Variants in PRKD1 observed in about 807,000 individuals in gnomAD.
The protein encoded by PRKD1 is protein kinase D1, also known as serine/threonine-protein kinase D1.
Under a neutral mutation model 95.9 loss-of-function variants are expected in PRKD1, and 63 were observed. The ratio of observed to expected loss-of-function variants is 0.66; its 90% CI spans 0.54 to 0.81. The LOEUF (loss-of-function observed/expected upper bound fraction) is 0.81, where lower values mean the gene tolerates loss of function less well. PRKD1 is among the 30% of genes least tolerant of loss of function. PRKD1 has a pLI of 0.00. For synonymous variants in PRKD1, 425 were observed against 423.1 expected (o/e 1.00, Z -0.05); for missense variants, 1,048 against 1,165.3 (o/e 0.90, Z 1.47).
intron 6 of PRKD1, among the ~76,000 whole-genome samples, chr14:29,637,404 A>T (rs538595944): frequency 1.3e-5 from 2 of 152,360 alleles, no homozygotes; most frequent in East Asian, 3.9e-4. Context: ...TACTCATTTT[A>T]AAATGAAAAT....
intron 16 of PRKD1, among the ~76,000 whole-genome samples, chr14:29,583,987 A>G (rs1035929614): frequency 1.3e-5 from 2 of 152,166 alleles, no homozygotes; most frequent in African/African-American, 4.8e-5. Flanking sequence ...AATTTTATCA[A>G]ACATTCTCTT....
intron 13 of PRKD1, among the ~76,000 whole-genome samples, chr14:29,611,540 T>C (rs974129105): frequency 6.6e-6 from 1 of 152,014 alleles, no homozygotes; most frequent in Non-Finnish European, 1.5e-5. Flanking sequence ...GTACCCACCT[T>C]CTAACTCCCA....
chr14:29,894,127 T>C (rs1356389381), intron 1 of PRKD1, among the ~76,000 whole-genome samples: 2 of 152,140 alleles, frequency 1.3e-5, no homozygotes. Context: ...AGTTGAGACA[T>C]TCAAGATAAG....
chr14:29,667,054 T>C (rs1882561466), intron 2 of PRKD1, among the ~76,000 whole-genome samples: 1 of 152,172 alleles, frequency 6.6e-6, no homozygotes, highest in African/African-American at 2.4e-5. Flanking sequence ...TAGAAAGGTA[T>C]CGACAGCGGA....
At position 29,773,173 on chromosome 14, in the gene PRKD1, G is replaced by A. The variant is rs111507309; in HGVS notation, c.265-47499C>T. 8.9e-3 allele frequency among the ~76,000 whole-genome samples: 1,361 copies of A among 152,212 alleles called. 20 individuals are homozygous for A. The highest frequency in any genetic ancestry group is 0.031 in the African/African-American group (1,273 of 41,538). On this transcript the variant is annotated intron_variant, in intron 1 of 17. Transcript: ENST00000331968. ...ATACATAACTAGTTTTTAAAAGAGT[G>A]AAAATGGCCGGCTGTGGTGACTCAT...
At chr14:29,887,529 C>T (rs138564355) in intron 1 of PRKD1, among the ~76,000 whole-genome samples, 1 of 152,254 alleles carries the variant, frequency 6.6e-6, no homozygotes, top group East Asian at 1.9e-4. Flanking sequence ...GGCTGTATGA[C>T]AGATACAACG....
chr14:29,912,245 G>T (rs1019596766), intron 1 of PRKD1, among the ~76,000 whole-genome samples: 9 of 152,140 alleles, frequency 5.9e-5, no homozygotes, highest in African/African-American at 2.2e-4. Flanking sequence ...CCAGGGATTA[G>T]GATGTAGACA....
intron 1 of PRKD1, among the ~76,000 whole-genome samples, chr14:29,774,783 G>C (rs1303403631): frequency 1.3e-5 from 2 of 152,124 alleles, no homozygotes; most frequent in East Asian, 1.9e-4. Context: ...AATATGAAGA[G>C]GATAACGGCT....
At chr14:29,629,922 C>G (rs1176359628) in intron 10 of PRKD1, among the ~76,000 whole-genome samples, 1 of 151,954 alleles carries the variant, frequency 6.6e-6, no homozygotes, top group Non-Finnish European at 1.5e-5. Flanking sequence ...CAAGCTGAAG[C>G]TGGCTAGATT....
chr14:29,587,711 T>C (rs1331316318), intron 16 of PRKD1, among the ~76,000 whole-genome samples: 1 of 152,224 alleles, frequency 6.6e-6, no homozygotes, highest in Non-Finnish European at 1.5e-5. Flanking sequence ...TTTTGAAATA[T>C]GTATACATAG....
At chr14:29,692,724 CACAG>C (rs1884306980) in intron 2 of PRKD1, among the ~76,000 whole-genome samples, 2 of 152,178 alleles carry the variant, frequency 1.3e-5, no homozygotes, top group African/African-American at 4.8e-5. Context: ...AATGCTACTT[CACAG>C]ACACTTAATT....
chr14:29,679,678 AG>A (rs1883422548), intron 2 of PRKD1, among the ~76,000 whole-genome samples: 1 of 151,402 alleles, frequency 6.6e-6, no homozygotes. Flanking sequence ...AAGAAAAGGG[AG>A]GGTATAGAGA....
intron 1 of PRKD1, among the ~76,000 whole-genome samples, chr14:29,917,754 T>C (rs1894941374): frequency 6.6e-6 from 1 of 152,262 alleles, no homozygotes; most frequent in Middle Eastern, 3.4e-3. Flanking sequence ...CAAGATACAA[T>C]ACTTCATACC....
In PRKD1 at chr14:29,792,660, TC is replaced by T. The variant is rs556392088; in HGVS notation, c.265-66987del. ...AGTGACAGCGGCAGTCAGGAAAATT[TC>T]TAAAATGTCTTAAGTGCCAAGACAT... On this transcript the variant is annotated intron_variant, in intron 1 of 17. Transcript: ENST00000331968. Among the ~76,000 whole-genome samples the T allele has an allele frequency of 4.5e-3, 685 of 152,156 alleles. 3 individuals are homozygous for T. Among genetic ancestry groups the T allele is most frequent in the Non-Finnish European group, 7.1e-3 (479 of 67,912 alleles).
intron 13 of PRKD1, among the ~76,000 whole-genome samples, chr14:29,608,320 C>A (rs1034008750): frequency 6.6e-6 from 1 of 152,060 alleles, no homozygotes; most frequent in East Asian, 1.9e-4. Context: ...CATACTTTAT[C>A]CTCATTTAGT....
At chr14:29,872,714 T>C (rs1461889195) in intron 1 of PRKD1, among the ~76,000 whole-genome samples, 2 of 152,072 alleles carry the variant, frequency 1.3e-5, no homozygotes, top group African/African-American at 4.8e-5. Flanking sequence ...TTTTCTTTCT[T>C]GCCCTTTAGA....
rs1321183482 is a variant in PRKD1, at chr14:29,781,662, A to G, written c.265-55988T>C. 2.0e-5 allele frequency among the ~76,000 whole-genome samples: 3 copies of G among 152,246 alleles called. No homozygotes were observed. The South Asian group carries it at 6.2e-4, about 31-fold the overall frequency. ...AAGGCAAGGGAGTCTTTAAAATATA[A>G]GAGAACCCAAAAGAATGAGAAATGT... On this transcript the variant is annotated intron_variant, in intron 1 of 17. Coordinates refer to ENST00000331968, the MANE Select transcript of PRKD1 (RefSeq NM_002742.3).
chr14:29,914,004 G>C (rs936155142), intron 1 of PRKD1, among the ~76,000 whole-genome samples: 3 of 152,168 alleles, frequency 2.0e-5, no homozygotes, highest in African/African-American at 7.2e-5. Context: ...ATACATCAAA[G>C]AAAAGCACCT....
intron 7 of PRKD1, 25 bp downstream of exon 7, chr14:29,636,265 C>G (rs751610757): frequency 6.2e-7 from 1 of 1,613,938 alleles, no homozygotes; most frequent in Non-Finnish European, 8.5e-7. Flanking sequence ...CCCCTGTTGG[C>G]TGAGGCTGGG....
Sources: allele counts gnomAD v4.1 joint callset (sites outside exome capture counted in the v4.1 genomes callset), GRCh38; gene constraint gnomAD v4.1.1; transcripts MANE v1.5; gene names NCBI Gene and HGNC (gene_info 2026-07-23, HGNC 2026-07-21).